The following SH3PXD2A variants were observed in gnomAD, a reference collection of about 807,000 sequenced individuals.
The protein encoded by SH3PXD2A is SH3 and PX domains 2A, also known as SH3 and PX domain-containing protein 2A.
A neutral mutation model predicts 115.2 loss-of-function variants in SH3PXD2A; 32 were observed. The ratio of observed to expected loss-of-function variants is 0.28; its 90% CI spans 0.21 to 0.37. The LOEUF (loss-of-function observed/expected upper bound fraction) is 0.37. Among genes scored for constraint, SH3PXD2A ranks in the 10% least tolerant of loss-of-function variants. The pLI is 1.00. For missense variants in SH3PXD2A, 1,328 were observed against 1,498.7 expected (o/e 0.89, Z 1.88); for synonymous variants, 610 against 629.1 (o/e 0.97, Z 0.45).
intron 2 of SH3PXD2A, among the ~76,000 whole-genome samples, chr10:103,770,767 G>A (rs1254953620): frequency 1.3e-5 from 2 of 152,134 alleles, no homozygotes; most frequent in African/African-American, 4.8e-5. Flanking sequence ...TCCTGGTGGT[G>A]GGATATTGCT....
At position 103,666,560 on chromosome 10, in the gene SH3PXD2A, A is replaced by G. The variant is rs2037385908; in HGVS notation, c.472+2048T>C. On this transcript the variant is annotated intron_variant, in intron 7 of 14. Coordinates refer to ENST00000369774, the MANE Select transcript of SH3PXD2A (RefSeq NM_001394015.1). This position sits in a 1 kb window ranked among gnomAD's most constrained non-coding sequence, Gnocchi z 4.5. ...GGGACATAGTAATTACCTGAAATTCATGATGGAAATGCTTAGAATTAGAGT... is the reference window on the plus strand; with the variant it reads ...GGGACATAGTAATTACCTGAAATTCGTGATGGAAATGCTTAGAATTAGAGT... Among the ~76,000 whole-genome samples the G allele has an allele frequency of 6.6e-6, 1 of 152,224 alleles. No individual in the cohort carries two copies. The highest frequency in any genetic ancestry group is 6.5e-5 in the Admixed American group (1 of 15,288).
intron 10 of SH3PXD2A, 73 bp downstream of exon 10, chr10:103,622,397 C>A: frequency 9.9e-7 from 1 of 1,013,808 alleles, no homozygotes; most frequent in South Asian, 1.4e-5. Context: ...GAGCAGAGCC[C>A]GGAAAGAAAG....
At chr10:103,625,324 G>C (rs916494565) in intron 9 of SH3PXD2A, among the ~76,000 whole-genome samples, 1 of 152,182 alleles carries the variant, frequency 6.6e-6, no homozygotes, top group East Asian at 1.9e-4. Flanking sequence ...ATTCATACAC[G>C]CACTGCCCTA....
chr10:103,817,652 G>C (rs964886893), intron 1 of SH3PXD2A, among the ~76,000 whole-genome samples: 1 of 151,822 alleles, frequency 6.6e-6, no homozygotes, highest in Non-Finnish European at 1.5e-5. Flanking sequence ...GTGTTCATAG[G>C]TTCTTATTTA....
chr10:103,819,248 G>T (rs2039353838), intron 1 of SH3PXD2A, among the ~76,000 whole-genome samples: 1 of 152,224 alleles, frequency 6.6e-6, no homozygotes, highest in Non-Finnish European at 1.5e-5. Flanking sequence ...TGTAAGGCTA[G>T]GTCAAGAGCT....
At chr10:103,664,294 C>T (rs543960789) in intron 7 of SH3PXD2A, among the ~76,000 whole-genome samples, 111 of 152,300 alleles carry the variant, frequency 7.3e-4, no homozygotes, top group African/African-American at 2.6e-3. Context: ...TTAGAGAGCC[C>T]GCAAGGCCTG....
chr10:103,845,492 T>C (rs1031977955), intron 1 of SH3PXD2A, among the ~76,000 whole-genome samples: 1 of 152,076 alleles, frequency 6.6e-6, no homozygotes, highest in Non-Finnish European at 1.5e-5. Flanking sequence ...AGTTTACAAA[T>C]GCCATGGCAA....
intron 3 of SH3PXD2A, among the ~76,000 whole-genome samples, chr10:103,737,324 T>C (rs969801649): frequency 3.3e-5 from 5 of 152,218 alleles, no homozygotes; most frequent in African/African-American, 1.2e-4. Flanking sequence ...ATTTAGATCA[T>C]TTCCATTGCA....
At chr10:103,825,010 C>T (rs765832872) in intron 1 of SH3PXD2A, among the ~76,000 whole-genome samples, 6 of 152,188 alleles carry the variant, frequency 3.9e-5, no homozygotes, top group Non-Finnish European at 8.8e-5. Flanking sequence ...CCAAGTTATC[C>T]TGGCTGGTCT....
chr10:103,760,487 T>C (rs1257737105), intron 3 of SH3PXD2A, among the ~76,000 whole-genome samples: 1 of 152,116 alleles, frequency 6.6e-6, no homozygotes, highest in Admixed American at 6.5e-5. Context: ...GGAGGACAGA[T>C]TGAGCCTCTG....
rs1191275344 is a variant in SH3PXD2A, at chr10:103,746,646, C to T, written c.230-10838G>A. On this transcript the variant is annotated intron_variant, in intron 3 of 14. Coordinates refer to ENST00000369774, the MANE Select transcript of SH3PXD2A (RefSeq NM_001394015.1). This position sits in a 1 kb window ranked among gnomAD's most constrained non-coding sequence, Gnocchi z 4.4. ...TCTCAAACCATAACCCTTGCTTAAC[C>T]CTTTCAGTGACTGCCCAGGGCACTG... The T allele has an allele frequency of 2.0e-5, 3 of 152,274 alleles. No individual in the cohort carries two copies. Among genetic ancestry groups the T allele is most frequent in the Non-Finnish European group, 2.9e-5 (2 of 68,100 alleles). 9.4% of individuals were successfully genotyped at this position (152,274 alleles called of 1,614,324 possible).
At chr10:103,833,702 C>G (rs917959723) in intron 1 of SH3PXD2A, among the ~76,000 whole-genome samples, 1 of 152,150 alleles carries the variant, frequency 6.6e-6, no homozygotes, top group African/African-American at 2.4e-5. Flanking sequence ...CGCCTCCTAA[C>G]GATTCACTGG....
chr10:103,755,589 G>C (rs535370189), intron 3 of SH3PXD2A, among the ~76,000 whole-genome samples: 1 of 152,254 alleles, frequency 6.6e-6, no homozygotes, highest in African/African-American at 2.4e-5. Context: ...TTGAACCCCA[G>C]GTTTGTCTGG....
chr10:103,800,745 C>A (rs1173071001), intron 2 of SH3PXD2A, among the ~76,000 whole-genome samples: 1 of 152,200 alleles, frequency 6.6e-6, no homozygotes, highest in Non-Finnish European at 1.5e-5. Context: ...TGTGAACATG[C>A]CTTTGTGTCT....
chr10:103,638,974 G>A (rs987123640), intron 8 of SH3PXD2A, among the ~76,000 whole-genome samples: 13 of 152,190 alleles, frequency 8.5e-5, no homozygotes, highest in South Asian at 6.2e-4. Flanking sequence ...TTCTGTGCCT[G>A]GCACGGGTGG....
chr10:103,678,945 G>C (rs2037574606), intron 6 of SH3PXD2A, among the ~76,000 whole-genome samples: 1 of 152,184 alleles, frequency 6.6e-6, no homozygotes, highest in Non-Finnish European at 1.5e-5. Flanking sequence ...TAGCTCCTCT[G>C]AAACAGAACC....
Position 103,801,829 on chromosome 10 carries a change from G to A in SH3PXD2A, c.73-467C>T, listed in dbSNP as rs564934002. Among the ~76,000 whole-genome samples the A allele has an allele frequency of 7.9e-5, 12 of 152,174 alleles. No individual in the cohort carries two copies. In the South Asian group the frequency reaches 8.3e-4, roughly 11 times the overall value. ...AGCAATTCTCCTGGCTCAGCCTCCCGAGTAGCTGGGAATACAGGTGCCTGC... is the reference window on the plus strand; with the variant it reads ...AGCAATTCTCCTGGCTCAGCCTCCCAAGTAGCTGGGAATACAGGTGCCTGC... On this transcript the variant is annotated intron_variant, in intron 1 of 14. Coordinates refer to ENST00000369774, the MANE Select transcript of SH3PXD2A (RefSeq NM_001394015.1).
intron 8 of SH3PXD2A, among the ~76,000 whole-genome samples, chr10:103,650,757 C>T (rs2037107310): frequency 1.5e-5 from 1 of 67,922 alleles, no homozygotes; most frequent in African/African-American, 6.3e-5. Flanking sequence ...GTCCTAGCTC[C>T]AGTCCTCAGC....
Position 103,855,299 on chromosome 10 carries a change from G to T in SH3PXD2A, c.-33C>A, listed in dbSNP as rs1486027266. On this transcript the variant is annotated 5_prime_UTR_variant, in exon 1 of 15. Coordinates refer to ENST00000369774, the MANE Select transcript of SH3PXD2A (RefSeq NM_001394015.1). ...CACAAAGCGAGTGGCGCCCCCGGCGGCGTCACCTTCTCATCCCGGCCGGGC... is the reference window on the plus strand; with the variant it reads ...CACAAAGCGAGTGGCGCCCCCGGCGTCGTCACCTTCTCATCCCGGCCGGGC... 3 of 1,495,600 alleles carry T rather than the reference G, an allele frequency of 2.0e-6. No homozygotes were observed. The highest frequency in any genetic ancestry group is 1.7e-4 in the Middle Eastern group (1 of 5,878). 92.6% of individuals were successfully genotyped at this position (1,495,600 alleles called of 1,614,324 possible). A position where few individuals can be genotyped will look rare whatever the true frequency, so the allele number is the denominator to read the frequency against.
Sources: gnomAD v4.1 joint callset for allele counts (sites outside exome capture counted in the v4.1 genomes callset) on GRCh38, gnomAD v4.1.1 for gene constraint, Gnocchi (gnomAD v3.1) non-coding constraint, MANE v1.5 for transcripts, NCBI Gene and HGNC (gene_info 2026-07-23, HGNC 2026-07-21) for gene names.